Variants in MAST4 observed in about 807,000 individuals in gnomAD.
The protein encoded by MAST4 is microtubule-associated serine/threonine-protein kinase 4.
In MAST4, 89 loss-of-function variants were observed where a neutral mutation model predicts 162.7. That is an observed-to-expected ratio of 0.55 (90% confidence interval 0.46 to 0.65). The LOEUF is 0.65. Among genes scored for constraint, MAST4 ranks in the 30% least tolerant of loss-of-function variants. The probability of loss-of-function intolerance (pLI) is 0.00; values close to 1 mark genes in which losing one functional copy is unlikely to be tolerated. For missense variants in MAST4, 3,153 were observed against 3,374.0 expected (o/e 0.93, Z 1.62); for synonymous variants, 1,479 against 1,361.1 (o/e 1.09, Z -1.91).
chr5:66,905,098 G>A (rs1435888828), intron 4 of MAST4, among the ~76,000 whole-genome samples: 1 of 152,064 alleles, frequency 6.6e-6, no homozygotes, highest in Non-Finnish European at 1.5e-5. Context: ...CTGAGGTCAG[G>A]AGTTCAGGAC....
intron 3 of MAST4, among the ~76,000 whole-genome samples, chr5:66,895,099 C>A (rs959725404): frequency 6.6e-6 from 1 of 152,082 alleles, no homozygotes; most frequent in African/African-American, 2.4e-5. Context: ...TGGTTCCTGC[C>A]CACTTTCTGA....
At chr5:67,089,064 CT>C (rs1260638462) in intron 5 of MAST4, among the ~76,000 whole-genome samples, 2 of 152,212 alleles carry the variant, frequency 1.3e-5, no homozygotes, top group African/African-American at 4.8e-5. Context: ...ACAATAGTCA[CT>C]TTCATTAAGA....
chr5:67,092,108 G>T (rs1763929773), intron 6 of MAST4, among the ~76,000 whole-genome samples: 1 of 152,134 alleles, frequency 6.6e-6, no homozygotes, highest in African/African-American at 2.4e-5. Context: ...CTAGGCCTCT[G>T]TTACCTTCCA....
chr5:66,814,850 T>C (rs957128307), intron 3 of MAST4, among the ~76,000 whole-genome samples: 2 of 152,182 alleles, frequency 1.3e-5, no homozygotes, highest in Non-Finnish European at 2.9e-5. Context: ...CTAGAGATTT[T>C]TTTTTTCCCC....
At chr5:66,635,947 T>G (rs13162820) in intron 1 of MAST4, among the ~76,000 whole-genome samples, 3 of 29,092 alleles carry the variant, frequency 1.0e-4, no homozygotes, top group Middle Eastern at 0.011. Flanking sequence ...ATAGAGACTG[T>G]TTTTTTTTTT....
Position 67,166,552 on chromosome 5 carries a change from C to T in MAST4, c.7373C>T (p.Ser2458Phe). The stretch of plus-strand genomic sequence containing the variant: ...CGATCCACGGCCCTCCCGGAAAAGT[C>T]TCTGAGCTGCTCCTCCAGCTTCCCT... ...SFRSTALPEK[S>F]LSCSSSFPET... is the part of the protein sequence containing the mutation. Residue 2458 changes from serine (S) to phenylalanine (F), a missense_variant, in exon 29 of 29, where the codon TCT becomes TTT. Physicochemically the swap from Ser to Phe is radical, Grantham distance 155. Transcript: ENST00000403625. 1.2e-6 allele frequency: 2 copies of T among 1,606,792 alleles called. No individual in the cohort carries two copies. Among genetic ancestry groups the T allele is most frequent in the Non-Finnish European group, 1.7e-6 (2 of 1,176,828 alleles).
At position 67,166,739 on chromosome 5, in the gene MAST4, C is replaced by A; in HGVS notation, c.7560C>A (p.Ser2520=). ...GAACCCACATGACAAAGAGTGACTC[C>A]CTGCCCTCCTTCCGGGTCTCCACCC... ...EGRTHMTKSD[S]LPSFRVSTLP... The change falls in exon 29 of 29, where the codon TCC becomes TCA. Residue 2520 remains serine, a synonymous_variant. Coordinates refer to ENST00000403625, the MANE Select transcript of MAST4 (RefSeq NM_001164664.2). 6.3e-7 allele frequency: 1 copy of A among 1,591,822 alleles called. No individual in the cohort carries two copies. Among genetic ancestry groups the A allele is most frequent in the East Asian group, 2.3e-5 (1 of 43,600 alleles).
chr5:67,022,563 G>A (rs1363938926), intron 4 of MAST4, among the ~76,000 whole-genome samples: 3 of 152,048 alleles, frequency 2.0e-5, no homozygotes, highest in African/African-American at 4.8e-5. Context: ...GCAAGGTACT[G>A]GATAAAAGAT....
At chr5:66,836,734 G>A (rs993680202) in intron 3 of MAST4, among the ~76,000 whole-genome samples, 1 of 152,052 alleles carries the variant, frequency 6.6e-6, no homozygotes, top group African/African-American at 2.4e-5. Context: ...TGAAATGGGA[G>A]CTAAACACTG....
chr5:67,066,432 T>C (rs1760241024), intron 5 of MAST4, among the ~76,000 whole-genome samples: 1 of 151,080 alleles, frequency 6.6e-6, no homozygotes, highest in African/African-American at 2.4e-5. Flanking sequence ...ATATGATTTA[T>C]ATATATACAT....
chr5:66,932,741 A>G (rs1384681958), intron 4 of MAST4, among the ~76,000 whole-genome samples: 1 of 152,164 alleles, frequency 6.6e-6, no homozygotes, highest in Non-Finnish European at 1.5e-5. Flanking sequence ...TTTGACATCT[A>G]CTTAAGCTAT....
chr5:66,702,675 G>A (rs1749857783), intron 1 of MAST4, among the ~76,000 whole-genome samples: 2 of 152,088 alleles, frequency 1.3e-5, no homozygotes, highest in South Asian at 2.1e-4. Context: ...AGATAAAGAG[G>A]TGAGTGTGGC....
chr5:67,009,917 G>A (rs879615618), intron 4 of MAST4, among the ~76,000 whole-genome samples: 9 of 152,102 alleles, frequency 5.9e-5, no homozygotes, highest in Admixed American at 2.0e-4. Context: ...AGGATATGAC[G>A]TTGATAGAAG....
chr5:66,834,712 GC>G (rs1471308737), intron 3 of MAST4, among the ~76,000 whole-genome samples: 3 of 152,244 alleles, frequency 2.0e-5, no homozygotes, highest in African/African-American at 7.2e-5. Context: ...AAAAGCCATG[GC>G]CCCCAGCCAT....
chr5:66,726,005 A>G (rs1751493173), intron 1 of MAST4, among the ~76,000 whole-genome samples: 2 of 152,094 alleles, frequency 1.3e-5, no homozygotes, highest in South Asian at 4.1e-4. Flanking sequence ...ATAATAAGTT[A>G]AAATCTTTAT....
chr5:66,645,305 A>G (rs1378494997), intron 1 of MAST4, among the ~76,000 whole-genome samples: 1 of 152,228 alleles, frequency 6.6e-6, no homozygotes, highest in Admixed American at 6.5e-5. Context: ...TGTTGTTTGC[A>G]TAGGCACACT....
At position 66,617,398 on chromosome 5, in the gene MAST4, T is replaced by C. The variant is rs577011887; in HGVS notation, c.363+20380T>C. On this transcript the variant is annotated intron_variant, in intron 1 of 28. Coordinates refer to ENST00000403625, the MANE Select transcript of MAST4 (RefSeq NM_001164664.2). ...TAAGGAAAGTGAAACTTACAGAGGTTAAATTTACTCATGATTCACATGATT... is the reference window on the plus strand; with the variant it reads ...TAAGGAAAGTGAAACTTACAGAGGTCAAATTTACTCATGATTCACATGATT... Among the ~76,000 whole-genome samples the C allele has an allele frequency of 3.3e-5, 5 of 152,310 alleles. No homozygotes were observed. The East Asian group carries it at 9.6e-4, about 29-fold the overall frequency.
intron 4 of MAST4, among the ~76,000 whole-genome samples, chr5:66,998,409 C>G (rs572062283): frequency 9.4e-4 from 143 of 152,296 alleles, no homozygotes; most frequent in African/African-American, 3.3e-3. Context: ...TACTTAAACG[C>G]AATTCGTTAC....
At chr5:67,073,180 C>T (rs774338439) in intron 5 of MAST4, among the ~76,000 whole-genome samples, 12 of 152,154 alleles carry the variant, frequency 7.9e-5, no homozygotes, top group Non-Finnish European at 1.6e-4. Flanking sequence ...ACACCCAGCC[C>T]ACACCATGGC....
Sources: gnomAD v4.1 joint callset for allele counts (sites outside exome capture counted in the v4.1 genomes callset) on GRCh38, gnomAD v4.1.1 for gene constraint, MANE v1.5 for transcripts, NCBI Gene and HGNC (gene_info 2026-07-23, HGNC 2026-07-21) for gene names.